Variants in CHODL observed in about 807,000 individuals in gnomAD.
The protein encoded by CHODL is transmembrane protein MT75.
In CHODL, 29 loss-of-function variants were observed where a neutral mutation model predicts 34.5. That is an observed-to-expected ratio of 0.84 (90% CI 0.63 to 1.15). The LOEUF (loss-of-function observed/expected upper bound fraction) is 1.15, where lower values mean the gene tolerates loss of function less well. CHODL is among the 50% of genes most tolerant of loss of function. CHODL has a pLI of 0.00. For missense variants in CHODL, 332 were observed against 332.5 expected, an observed-to-expected ratio of 1.00 and a Z score of 0.01; for synonymous variants, 125 against 116.1, an observed-to-expected ratio of 1.08 and a Z score of -0.49.
chr21:18,100,774 T>C (rs2065203410), intron 2 of CHODL, among the ~76,000 whole-genome samples: 1 of 152,190 alleles, frequency 6.6e-6, no homozygotes, highest in South Asian at 2.1e-4. Context: ...TTGCTTAAGC[T>C]TGTTGAGTGT....
chr21:18,231,125 G>A (rs1255515526), intron 2 of CHODL, among the ~76,000 whole-genome samples: 1 of 152,104 alleles, frequency 6.6e-6, no homozygotes, highest in African/African-American at 2.4e-5. Flanking sequence ...ATTGTAGCTT[G>A]CTTTTGAAGA....
Position 18,266,338 on chromosome 21 carries a change from G to C in CHODL, c.*300G>C. 1.5e-6 allele frequency: 1 copy of C among 681,694 alleles called. No homozygotes were observed. 42.2% of individuals were successfully genotyped at this position (681,694 alleles called of 1,614,324 possible). On this transcript the variant is annotated 3_prime_UTR_variant, in exon 6 of 6. Transcript: ENST00000299295. ...TGTTATCAACACGTCGGGAGTATGT[G>C]TGTTAGAAGCAATTCCTTTTATTTC...
intron 1 of CHODL, among the ~76,000 whole-genome samples, chr21:17,933,045 C>T (rs1438386564): frequency 6.6e-6 from 1 of 152,208 alleles, no homozygotes; most frequent in Non-Finnish European, 1.5e-5. Flanking sequence ...TATGCATACA[C>T]ATAAACATCT....
intron 2 of CHODL, among the ~76,000 whole-genome samples, chr21:18,042,133 T>C (rs549675228): frequency 4.6e-5 from 7 of 152,032 alleles, no homozygotes; most frequent in African/African-American, 1.7e-4. Flanking sequence ...AAAATGTAAA[T>C]GTTCCACTGA....
chr21:17,918,951 G>A (rs951441618), intron 1 of CHODL, among the ~76,000 whole-genome samples: 14 of 152,248 alleles, frequency 9.2e-5, no homozygotes, highest in Non-Finnish European at 1.5e-4. Context: ...CAGCAGGGCA[G>A]TCAAATCTTA....
chr21:18,196,328 G>T (rs1393055653), intron 2 of CHODL, among the ~76,000 whole-genome samples: 1 of 152,150 alleles, frequency 6.6e-6, no homozygotes, highest in Non-Finnish European at 1.5e-5. Flanking sequence ...CTTTGATTAA[G>T]ATAAAGTGAA....
At chr21:18,014,688 G>A (rs9680294) in intron 1 of CHODL, among the ~76,000 whole-genome samples, 2,595 of 152,160 alleles carry the variant, frequency 0.017, 69 homozygotes, top group African/African-American at 0.058. Context: ...ACTCTCTCTC[G>A]TTCCTGCTCT....
chr21:17,938,851 A>C (rs1414348256), intron 1 of CHODL, among the ~76,000 whole-genome samples: 1 of 151,860 alleles, frequency 6.6e-6, no homozygotes, highest in Non-Finnish European at 1.5e-5. Context: ...ACATGTGGGC[A>C]CTTCTGATTT....
At chr21:18,062,545 C>G (rs2064680803) in intron 2 of CHODL, among the ~76,000 whole-genome samples, 1 of 152,014 alleles carries the variant, frequency 6.6e-6, no homozygotes, top group Admixed American at 6.6e-5. Flanking sequence ...GTGGGCTGAT[C>G]ACTTGAGGTC....
At chr21:18,223,209 C>T (rs2073900470) in intron 2 of CHODL, among the ~76,000 whole-genome samples, 1 of 152,104 alleles carries the variant, frequency 6.6e-6, no homozygotes, top group Non-Finnish European at 1.5e-5. Flanking sequence ...TGGAAGAATT[C>T]AATCAGTGTA....
chr21:18,125,838 T>C (rs1254142992), intron 2 of CHODL, among the ~76,000 whole-genome samples: 7 of 151,938 alleles, frequency 4.6e-5, no homozygotes, highest in Non-Finnish European at 8.8e-5. Flanking sequence ...AAAATATTGG[T>C]GAGGAGAATA....
intron 2 of CHODL, among the ~76,000 whole-genome samples, chr21:18,136,059 C>A (rs1688189): frequency 0.93 from 136,381 of 146,952 alleles, 63,624 homozygotes; most frequent in African/African-American, 0.98. Flanking sequence ...GCGAGCTGAG[C>A]TTGCGCCACT....
chr21:18,185,200 G>C (rs1306134562), intron 2 of CHODL, among the ~76,000 whole-genome samples: 1 of 152,042 alleles, frequency 6.6e-6, no homozygotes, highest in African/African-American at 2.4e-5. Context: ...AGGCACTAGT[G>C]TGTGATGTTC....
intron 1 of CHODL, among the ~76,000 whole-genome samples, chr21:17,988,337 A>C (rs2063769770): frequency 6.7e-6 from 1 of 150,372 alleles, no homozygotes; most frequent in African/African-American, 2.4e-5. Context: ...GGACACAGCT[A>C]ACTGGTTTAT....
At position 17,983,785 on chromosome 21, in the gene CHODL, T is replaced by A. The variant is rs114818553; in HGVS notation, c.-144-44087T>A. ...TGATATAATAACCGCACATATTTAA[T>A]GGGTACAATTAGACGAGTTTGGACA... is the stretch of plus-strand genomic sequence containing the variant. On this transcript the variant is annotated intron_variant, in intron 1 of 6. Transcript: ENST00000400127. Among the ~76,000 whole-genome samples, 934 of 152,304 alleles carry A rather than the reference T, an allele frequency of 6.1e-3. 10 individuals are homozygous for A. Among genetic ancestry groups the A allele is most frequent in the African/African-American group, 0.021 (889 of 41,566 alleles).
At chr21:18,174,746 G>C (rs1456911939) in intron 2 of CHODL, among the ~76,000 whole-genome samples, 2 of 152,154 alleles carry the variant, frequency 1.3e-5, no homozygotes, top group African/African-American at 4.8e-5. Context: ...GCCTGGACAA[G>C]GATAAAATTG....
Position 17,927,134 on chromosome 21 carries a change from G to GTATATATGTA in CHODL, c.-145+9740_-145+9749dup, listed in dbSNP as rs1486325913. ...TATATATGTATATATGTATATATAT[G>GTATATATGTA]TATATATGTATATATGTATATATAT... On this transcript the variant is annotated intron_variant, in intron 1 of 6. Transcript: ENST00000400127. Among the ~76,000 whole-genome samples, 219 of 107,672 alleles carry GTATATATGTA rather than the reference G, an allele frequency of 2.0e-3. 4 individuals are homozygous for GTATATATGTA. Among genetic ancestry groups the GTATATATGTA allele is most frequent in the Non-Finnish European group, 2.9e-3 (162 of 55,482 alleles). The allele number at this position is 107,672 out of a possible 152,430, so 70.6% of individuals were successfully genotyped here. A position where few individuals can be genotyped will look rare whatever the true frequency, so the allele number is the denominator to read the frequency against.
At chr21:18,034,994 T>C (rs1384563041) in intron 2 of CHODL, among the ~76,000 whole-genome samples, 3 of 152,008 alleles carry the variant, frequency 2.0e-5, no homozygotes, top group Admixed American at 6.6e-5. Flanking sequence ...GACAGACCTC[T>C]TTTTGTCCAC....
intron 2 of CHODL, among the ~76,000 whole-genome samples, chr21:18,181,105 C>T (rs1293976799): frequency 6.6e-6 from 1 of 151,944 alleles, no homozygotes; most frequent in African/African-American, 2.4e-5. Context: ...TCTTTTATTC[C>T]TATTCCTATT....
Sources: gnomAD v4.1 joint callset for allele counts (sites outside exome capture counted in the v4.1 genomes callset) on GRCh38, gnomAD v4.1.1 for gene constraint, MANE v1.5 for transcripts, NCBI Gene and HGNC (gene_info 2026-07-23, HGNC 2026-07-21) for gene names.